CCDC171: variants seen among roughly 807,000 people sequenced by gnomAD.
CCDC171 encodes coiled-coil domain containing 171.
Under a neutral mutation model 168.2 loss-of-function variants are expected in CCDC171, and 177 were observed. The observed-to-expected ratio is 1.05, with a 90% CI of 0.93 to 1.19. The LOEUF (loss-of-function observed/expected upper bound fraction) is 1.19, where lower values mean the gene tolerates loss of function less well. Ranked by LOEUF, CCDC171 falls within the 50% of genes most tolerant of loss-of-function variation. CCDC171 has a pLI of 0.00. For missense variants in CCDC171, 1,991 were observed against 1,539.0 expected (o/e 1.29, Z -4.91); for synonymous variants, 687 against 540.8 (o/e 1.27, Z -3.75).
chr9:15,969,518 C>A (rs935709212), intron 25 of CCDC171, among the ~76,000 whole-genome samples: 2 of 152,108 alleles, frequency 1.3e-5, no homozygotes, highest in Non-Finnish European at 2.9e-5. Flanking sequence ...GAAAATACCC[C>A]CAGAGGATAT....
At chr9:15,959,325 C>T (rs1830129009) in intron 25 of CCDC171, among the ~76,000 whole-genome samples, 1 of 152,132 alleles carries the variant, frequency 6.6e-6, no homozygotes, top group Non-Finnish European at 1.5e-5. Flanking sequence ...CCACAAACTG[C>T]TTGCTAATTC....
intron 6 of CCDC171, among the ~76,000 whole-genome samples, chr9:15,608,944 CAAAAAAAAAAAAAAA>C (rs71491669): frequency 7.3e-5 from 1 of 13,708 alleles, no homozygotes; most frequent in East Asian, 2.8e-3. Context: ...GACCCTGTCT[CAAAAAAAAAAAAAAA>C]AAAAAAAAAA....
At chr9:16,039,499 T>C (rs182593755), upstream of CCDC171, among the ~76,000 whole-genome samples, 11 of 152,304 alleles carry the variant, frequency 7.2e-5, no homozygotes, top group Admixed American at 2.6e-4. Context: ...AAGAATACAG[T>C]GGCTCAGAGG....
intron 25 of CCDC171, among the ~76,000 whole-genome samples, chr9:15,949,834 A>C (rs1177212334): frequency 6.6e-6 from 1 of 152,168 alleles, no homozygotes; most frequent in African/African-American, 2.4e-5. Flanking sequence ...CAGAACTTCT[A>C]ACACTATGTT....
At chr9:15,848,848 G>C in intron 22 of CCDC171, 45 bp from the exon 23 acceptor site, 1 of 1,095,178 alleles carries the variant, frequency 9.1e-7, no homozygotes, top group Non-Finnish European at 1.4e-6. Flanking sequence ...AACAGTTGTA[G>C]TAAGGTTTGA....
At position 15,666,259 on chromosome 9, in the gene CCDC171, G is replaced by C; in HGVS notation, c.1012G>C (p.Glu338Gln). Reference protein sequence around the residue: ...DLEIIKNEFKEVESAYEREKH... With the variant: ...DLEIIKNEFKQVESAYEREKH... ...GGAAATTATCAAGAATGAATTCAAA[G>C]AAGTTGAAAGTGCATATGAGCGAGA... The change falls in exon 9 of 26, where the codon GAA (glutamate) becomes CAA (glutamine). Residue 338 changes from glutamate (E) to glutamine (Q), a missense_variant. Glu to Gln is a conservative substitution (Grantham distance 29). Transcript: ENST00000380701. The C allele has an allele frequency of 6.2e-7, 1 of 1,613,862 alleles. No individual in the cohort carries two copies. The highest frequency in any genetic ancestry group is 8.5e-7 in the Non-Finnish European group (1 of 1,179,822).
intron 25 of CCDC171, among the ~76,000 whole-genome samples, chr9:15,949,641 T>G (rs1828876066): frequency 6.6e-6 from 1 of 152,214 alleles, no homozygotes; most frequent in Admixed American, 6.5e-5. Flanking sequence ...CTTGTGATTT[T>G]TGCACATTGA....
chr9:15,863,522 CA>C (rs2061648248), intron 23 of CCDC171, among the ~76,000 whole-genome samples: 1 of 151,910 alleles, frequency 6.6e-6, no homozygotes, highest in South Asian at 2.1e-4. Flanking sequence ...TAACTACCCC[CA>C]CCCCACCACC....
chr9:15,897,866 C>A (rs1355657256), intron 24 of CCDC171, among the ~76,000 whole-genome samples: 2 of 152,128 alleles, frequency 1.3e-5, no homozygotes, highest in African/African-American at 4.8e-5. Context: ...AAACTTGGAA[C>A]ACATTGAGTG....
intron 24 of CCDC171, among the ~76,000 whole-genome samples, chr9:15,895,111 G>A (rs1418405880): frequency 6.6e-6 from 1 of 152,100 alleles, no homozygotes; most frequent in Admixed American, 6.6e-5. Flanking sequence ...CAATGTGCCT[G>A]TAAGGAAGTT....
At chr9:16,066,726 C>A in the CCDC171 span, among the ~76,000 whole-genome samples, 11 of 149,154 alleles carry the variant, frequency 7.4e-5, no homozygotes, top group African/African-American at 2.5e-4. Context: ...GTTTTTTGTT[C>A]TTGCGATAGT....
At chr9:15,575,118 A>C (rs2040537320) in intron 3 of CCDC171, among the ~76,000 whole-genome samples, 1 of 151,874 alleles carries the variant, frequency 6.6e-6, no homozygotes. Flanking sequence ...AATCCAGATA[A>C]ATTAGAAAGA....
intron 6 of CCDC171, among the ~76,000 whole-genome samples, chr9:16,025,887 A>T (rs1018264392): frequency 1.3e-5 from 2 of 152,226 alleles, no homozygotes; most frequent in Non-Finnish European, 2.9e-5. Flanking sequence ...GCACAACATG[A>T]ATGCACTAAA....
intron 10 of CCDC171, among the ~76,000 whole-genome samples, chr9:15,682,093 A>G (rs762191337): frequency 5.9e-5 from 9 of 151,996 alleles, no homozygotes; most frequent in Non-Finnish European, 1.2e-4. Context: ...TTTCTCTGTT[A>G]CATTGGAAAA....
At position 16,021,692 on chromosome 9, in the gene CCDC171, C is replaced by T. The variant is rs558441108; in HGVS notation, n.575-640C>T. ...CTAATGTTTGAAAAGTGTTTGACCC[C>T]AGAGTGGGTATTCAATAAATGATAG... On this transcript the variant is annotated intron_variant and non_coding_transcript_variant, in intron 4 of 9. Coordinates refer to the CCDC171 transcript ENST00000486641. 9.2e-5 allele frequency among the ~76,000 whole-genome samples: 14 copies of T among 152,286 alleles called. No homozygotes were observed. The South Asian group carries it at 2.7e-3, about 29-fold the overall frequency.
rs562379748 is a variant in CCDC171 at position 15,836,572 on chromosome 9, C to T, written c.3268-10130C>T. 9.1e-4 allele frequency among the ~76,000 whole-genome samples: 138 copies of T among 152,184 alleles called. 1 individual carries two copies. The highest frequency in any genetic ancestry group is 2.5e-3 in the African/African-American group (104 of 41,534). On this transcript the variant is annotated intron_variant, in intron 21 of 25. Coordinates refer to ENST00000380701, the MANE Select transcript of CCDC171 (RefSeq NM_173550.4). The stretch of plus-strand genomic sequence containing the variant: ...TTCACTGTGTTAGCCAGGATGGTCT[C>T]GATCTCCTGACCTCGTGATCCGCCT...
At chr9:15,953,155 A>T (rs954285228) in intron 25 of CCDC171, among the ~76,000 whole-genome samples, 1 of 152,144 alleles carries the variant, frequency 6.6e-6, no homozygotes, top group Non-Finnish European at 1.5e-5. Flanking sequence ...TTCTTTTCCA[A>T]TCTGAGTGCC....
intron 6 of CCDC171, among the ~76,000 whole-genome samples, chr9:15,614,063 A>C (rs558013247): frequency 6.6e-6 from 1 of 152,156 alleles, no homozygotes; most frequent in African/African-American, 2.4e-5. Context: ...TATGCATTCA[A>C]TGCTTTTGTG....
chr9:15,721,828 C>A lies in CCDC171; in HGVS notation c.1378C>A (p.Arg460Ser). Residue 460 changes from arginine to serine, a missense_variant, in exon 12 of 26, where the codon CGT becomes AGT. Coordinates refer to ENST00000380701, the MANE Select transcript of CCDC171 (RefSeq NM_173550.4). ...CTCTGTTGTCCTTGAGAGATTGAGG[C>A]GTACCTTGACAGATTACCAGAACAA... is the stretch of plus-strand genomic sequence containing the variant. ...SFSVVLERLR[R>S]TLTDYQNKLE... 1 of 1,563,600 alleles carries A rather than the reference C, an allele frequency of 6.4e-7. No individual in the cohort carries two copies. The highest frequency in any genetic ancestry group is 8.7e-7 in the Non-Finnish European group (1 of 1,153,540).
Sources: gnomAD v4.1 joint callset for allele counts (sites outside exome capture counted in the v4.1 genomes callset) on GRCh38, gnomAD v4.1.1 for gene constraint, MANE v1.5 for transcripts, NCBI Gene and HGNC (gene_info 2026-07-23, HGNC 2026-07-21) for gene names.